IPO5: variants seen among roughly 807,000 people sequenced by gnomAD.
IPO5 encodes the protein importin 5.
Under a neutral mutation model 143.3 loss-of-function variants are expected in IPO5, and 18 were observed. That is an observed-to-expected ratio of 0.13 (90% CI 0.09 to 0.19). The LOEUF is 0.19. Ranked by LOEUF, IPO5 falls within the 10% of genes least tolerant of loss-of-function variation. The pLI is 1.00. For synonymous variants in IPO5, 477 were observed against 465.7 expected (o/e 1.02, Z -0.31); for missense variants, 1,013 against 1,336.9 (o/e 0.76, Z 3.78).
At chr13:97,977,592 A>T in intron 4 of IPO5, among the ~76,000 whole-genome samples, 1 of 152,146 alleles carries the variant, frequency 6.6e-6, no homozygotes, top group Non-Finnish European at 1.5e-5. Context: ...ATCTAACCGT[A>T]ATCTCTTTTT....
intron 5 of IPO5, among the ~76,000 whole-genome samples, chr13:97,984,590 C>A (rs1378861377): frequency 6.6e-6 from 1 of 150,498 alleles, no homozygotes; most frequent in Admixed American, 6.6e-5. Flanking sequence ...TTTCTACCTA[C>A]CATAAATGTT....
At chr13:98,010,798 T>TTTTTTTTTTTTTTG (rs1555311050) in intron 20 of IPO5, among the ~76,000 whole-genome samples, 16 of 143,662 alleles carry the variant, frequency 1.1e-4, no homozygotes, top group South Asian at 4.5e-4. Context: ...TTTTTTTTTT[T>TTTTTTTTTTTTTTG]GAGGTGGAGT....
At position 97,988,255 on chromosome 13, in the gene IPO5, G is replaced by A. The variant is rs1887537467; in HGVS notation, c.365-807G>A. Reference sequence around the variant, plus strand: ...GTAAACATATTAATAACATCCTCTGGCACTATTTGAACCAAACTGCAAAGT... The same window carrying A: ...GTAAACATATTAATAACATCCTCTGACACTATTTGAACCAAACTGCAAAGT... On this transcript the variant is annotated intron_variant, in intron 6 of 28. Coordinates refer to ENST00000651721, the MANE Select transcript of IPO5 (RefSeq NM_002271.6). 2.0e-5 allele frequency among the ~76,000 whole-genome samples: 3 copies of A among 152,004 alleles called. No homozygotes were observed. In the South Asian group the frequency reaches 6.3e-4, roughly 32 times the overall value.
chr13:98,001,028 C>T, intron 13 of IPO5: 1 of 220,328 alleles, frequency 4.5e-6, no homozygotes, highest in Non-Finnish European at 9.2e-6. Context: ...GGTGGAAGCC[C>T]ACCTGCCCTG....
In IPO5 at chr13:98,002,452, A is replaced by G; in HGVS notation, c.1109-15A>G. ...AGTGTGTAATTGCTATTCCATCTGT[A>G]ATTTTTTTCGGTAGCTGACTGGAAA... is the stretch of plus-strand genomic sequence containing the variant. On this transcript the variant is annotated splice_polypyrimidine_tract_variant and intron_variant, in intron 13 of 28. Transcript: ENST00000651721. 6.2e-7 allele frequency: 1 copy of G among 1,612,922 alleles called. No homozygotes were observed. The highest frequency in any genetic ancestry group is 8.5e-7 in the Non-Finnish European group (1 of 1,179,354).
At chr13:97,965,123 A>T (rs893613326) in intron 2 of IPO5, among the ~76,000 whole-genome samples, 4 of 152,160 alleles carry the variant, frequency 2.6e-5, no homozygotes, top group Non-Finnish European at 5.9e-5. Flanking sequence ...TCTCACTCAT[A>T]AGTGGGAGTT....
chr13:97,999,035 C>T (rs949175994), intron 12 of IPO5, among the ~76,000 whole-genome samples: 14 of 152,076 alleles, frequency 9.2e-5, no homozygotes, highest in African/African-American at 3.4e-4. Context: ...GCCAGCTACT[C>T]GGGAAGCTAA....
chr13:98,014,367 T>A (rs1392136729), intron 22 of IPO5, among the ~76,000 whole-genome samples, 153 bp downstream of exon 22: 2 of 152,072 alleles, frequency 1.3e-5, no homozygotes, highest in Non-Finnish European at 2.9e-5. Context: ...AACCTCCACC[T>A]CCTGGGTTCA....
chr13:98,021,658 A>C, intron 28 of IPO5, 78 bp from the exon 29 acceptor site: 1 of 759,028 alleles, frequency 1.3e-6, no homozygotes. Flanking sequence ...CCATGATTAC[A>C]GTTTACCTAT....
chr13:97,970,471 A>G (rs769732972), intron 3 of IPO5, among the ~76,000 whole-genome samples: 15 of 152,036 alleles, frequency 9.9e-5, no homozygotes, highest in African/African-American at 3.6e-4. Flanking sequence ...ATAAAAAAAA[A>G]TTAGCCGGGC....
chr13:97,985,173 TTTA>T (rs1305854537), intron 5 of IPO5, among the ~76,000 whole-genome samples: 5 of 152,300 alleles, frequency 3.3e-5, no homozygotes, highest in African/African-American at 1.2e-4. Flanking sequence ...TAAAGACAGG[TTTA>T]TCATTGCTAA....
At chr13:98,000,449 T>C in intron 12 of IPO5, 90 bp from the exon 13 acceptor site, 1 of 829,538 alleles carries the variant, frequency 1.2e-6, no homozygotes, top group Non-Finnish European at 2.0e-6. Flanking sequence ...CTTAGTTTAA[T>C]AATAATATGG....
chr13:97,976,528 G>T (rs1352645626), intron 3 of IPO5, 165 bp from the exon 4 acceptor site: 1 of 147,184 alleles, frequency 6.8e-6, no homozygotes, highest in Non-Finnish European at 1.5e-5. Flanking sequence ...GCCCCGCCCC[G>T]TCCTCCCCTT....
intron 2 of IPO5, among the ~76,000 whole-genome samples, chr13:97,960,561 GT>G (rs67034804): frequency 0.096 from 13,620 of 141,570 alleles, 1,137 homozygotes; most frequent in East Asian, 0.49. Context: ...TATTTATTTG[GT>G]TTTTTTTTTT....
intron 2 of IPO5, among the ~76,000 whole-genome samples, chr13:97,966,719 C>G (rs1885373811): frequency 6.6e-6 from 1 of 152,090 alleles, no homozygotes; most frequent in African/African-American, 2.4e-5. Context: ...GTCATCTGGT[C>G]TGGGATTTTT....
intron 3 of IPO5, among the ~76,000 whole-genome samples, chr13:97,973,789 G>A (rs1393090011): frequency 6.6e-6 from 1 of 152,188 alleles, no homozygotes; most frequent in African/African-American, 2.4e-5. Context: ...CAAGCTCCTA[G>A]CCGGGTGTGG....
intron 12 of IPO5, among the ~76,000 whole-genome samples, chr13:97,999,447 G>A (rs1177648114): frequency 6.6e-6 from 1 of 152,006 alleles, no homozygotes; most frequent in East Asian, 1.9e-4. Context: ...CCTGCAAATG[G>A]CACTTAAATT....
At chr13:98,018,431 T>G (rs957916552) in intron 25 of IPO5, 54 bp from the exon 26 acceptor site, 9 of 1,271,832 alleles carry the variant, frequency 7.1e-6, no homozygotes, top group Non-Finnish European at 9.0e-6. Flanking sequence ...AATATTTCTT[T>G]ACATTCTTTG....
chr13:97,979,889 A>G, intron 4 of IPO5: 1 of 456,734 alleles, frequency 2.2e-6, no homozygotes, highest in South Asian at 1.5e-5. Flanking sequence ...TTGAGGAACC[A>G]GGGTGTTAAT....
Sources: allele counts gnomAD v4.1 joint callset (sites outside exome capture counted in the v4.1 genomes callset), GRCh38; gene constraint gnomAD v4.1.1; transcripts MANE v1.5; gene names NCBI Gene and HGNC (gene_info 2026-07-23, HGNC 2026-07-21).